MX1: variants seen among roughly 807,000 people sequenced by gnomAD.
The protein encoded by MX1 is MX dynamin like GTPase 1.
Under a neutral mutation model 66.4 loss-of-function variants are expected in MX1, and 66 were observed. That is an observed-to-expected ratio of 0.99 (90% CI 0.82 to 1.22). The LOEUF (loss-of-function observed/expected upper bound fraction) is 1.22, where lower values mean the gene tolerates loss of function less well. Ranked by LOEUF, MX1 falls within the 50% of genes most tolerant of loss-of-function variation. The pLI, the probability that MX1 is intolerant of heterozygous loss-of-function variation, is 0.00. For missense variants in MX1, 787 were observed against 834.3 expected (o/e 0.94, Z 0.70); for synonymous variants, 311 against 318.1 (o/e 0.98, Z 0.24).
Position 41,458,711 on chromosome 21 carries a change from G to A in MX1, c.1942G>A (p.Ala648Thr), listed in dbSNP as rs778466509. The A allele has an allele frequency of 1.2e-6, 2 of 1,614,006 alleles. No homozygotes were observed. The highest frequency in any genetic ancestry group is 1.7e-6 in the Non-Finnish European group (2 of 1,180,044). The stretch of plus-strand genomic sequence containing the variant: ...GCGGAAGTTCCTGAAGGAGCGGCTT[G>A]CACGGCTGACGCAGGCTCGGCGCCG... The part of the protein sequence containing the change: ...DKRKFLKERL[A>T]RLTQARRRLA... Residue 648 changes from alanine to threonine, a missense_variant, in exon 17 of 17, where the codon GCA becomes ACA. Transcript: ENST00000398598.
intron 14 of MX1, chr21:41,450,936 A>G (rs1435545684): frequency 4.0e-6 from 1 of 252,940 alleles, no homozygotes; most frequent in Non-Finnish European, 7.4e-6. Flanking sequence ...TATTTAGGAT[A>G]AAAAGTTTAA....
intron 11 of MX1, among the ~76,000 whole-genome samples, chr21:41,444,139 G>A (rs462698): frequency 0.49 from 74,811 of 151,676 alleles, 19,478 homozygotes; most frequent in Non-Finnish European, 0.59. Context: ...AAAATCTTAT[G>A]CACAAGCTAC....
chr21:41,450,915 T>A, intron 14 of MX1: 1 of 201,712 alleles, frequency 5.0e-6, no homozygotes, highest in Non-Finnish European at 9.8e-6. Flanking sequence ...AGAAATTACA[T>A]TCTTTGCAGC....
intron 3 of MX1, 189 bp downstream of exon 3, chr21:41,428,055 A>T (rs1167968326): frequency 6.6e-6 from 1 of 152,244 alleles, no homozygotes; most frequent in Non-Finnish European, 1.5e-5. Context: ...ACAGGCACAC[A>T]TCACCACACC....
chr21:41,432,070 G>A lies in MX1; in HGVS notation c.-1G>A, dbSNP rs1221286848. The A allele has an allele frequency of 1.2e-6, 2 of 1,613,910 alleles. No individual in the cohort carries two copies. Among genetic ancestry groups the A allele is most frequent in the Non-Finnish European group, 1.7e-6 (2 of 1,180,006 alleles). On this transcript the variant is annotated 5_prime_UTR_variant, in exon 5 of 17. Transcript: ENST00000398598. Reference sequence around the variant, plus strand: ...TTAAGCTTACTTTGCAAAGAAGGAAGATGGTTGTTTCCGAAGTGGACATCG... The same window carrying A: ...TTAAGCTTACTTTGCAAAGAAGGAAAATGGTTGTTTCCGAAGTGGACATCG...
At chr21:41,447,995 T>C (rs468699) in intron 13 of MX1, among the ~76,000 whole-genome samples, 75,209 of 152,140 alleles carry the variant, frequency 0.49, 19,506 homozygotes, top group Non-Finnish European at 0.57. Context: ...TCCCAGAGTG[T>C]TGGGATTACG....
chr21:41,456,616 G>A (rs951927731), intron 16 of MX1, among the ~76,000 whole-genome samples: 11 of 152,250 alleles, frequency 7.2e-5, no homozygotes, highest in Middle Eastern at 3.4e-3. Flanking sequence ...CTGGGGACTC[G>A]AGCCTAGCCA....
In MX1 at chr21:41,453,210, G is replaced by A. The variant is rs539812492; in HGVS notation, c.1758+341G>A. Among the ~76,000 whole-genome samples, 164 of 152,298 alleles carry A rather than the reference G, an allele frequency of 1.1e-3. 3 individuals carry two copies. The highest frequency in any genetic ancestry group is 4.7e-4 in the Non-Finnish European group (32 of 68,028). On this transcript the variant is annotated intron_variant, in intron 16 of 16. Coordinates refer to ENST00000398598, the MANE Select transcript of MX1 (RefSeq NM_002462.5). Reference sequence around the variant, plus strand: ...GGGGTTTCCCCTTATCAAACCATCAGATCTCATGAGAGTTACTCACTACCA... The same window carrying A: ...GGGGTTTCCCCTTATCAAACCATCAAATCTCATGAGAGTTACTCACTACCA...
chr21:41,428,570 C>A (rs1255308612), intron 3 of MX1: 1 of 152,226 alleles, frequency 6.6e-6, no homozygotes, highest in African/African-American at 2.4e-5. Context: ...GCCAAGATTC[C>A]GAAAACGCTT....
At chr21:41,448,899 T>A (rs2090740406) in intron 13 of MX1, among the ~76,000 whole-genome samples, 1 of 149,580 alleles carries the variant, frequency 6.7e-6, no homozygotes, top group Non-Finnish European at 1.5e-5. Context: ...CTTCCTGAGA[T>A]GACTAAGGAA....
intron 4 of MX1, 59 bp downstream of exon 4, chr21:41,430,667 TCA>T (rs2090187443): frequency 6.6e-6 from 1 of 152,246 alleles, no homozygotes; most frequent in Admixed American, 6.5e-5. Flanking sequence ...AGAAAGATTT[TCA>T]GTTACTTTTA....
At chr21:41,452,139 G>A (rs1277783353) in intron 15 of MX1, among the ~76,000 whole-genome samples, 1 of 152,198 alleles carries the variant, frequency 6.6e-6, no homozygotes, top group Non-Finnish European at 1.5e-5. Flanking sequence ...TGTGCACTGT[G>A]CCTCTCCTCA....
intron 7 of MX1, among the ~76,000 whole-genome samples, chr21:41,439,045 G>A (rs187894922): frequency 5.5e-4 from 83 of 152,150 alleles, no homozygotes; most frequent in African/African-American, 2.0e-3. Flanking sequence ...TGACCACATG[G>A]CAGGTACATG....
chr21:41,435,722 T>G, intron 5 of MX1, 115 bp from the exon 6 acceptor site: 4 of 1,155,736 alleles, frequency 3.5e-6, no homozygotes, highest in Non-Finnish European at 5.0e-6. Context: ...CCTTGACACG[T>G]AGGGATTATG....
rs1491147760 is a variant in MX1, at chr21:41,451,851, A to AC, written c.1509+609dup. Reference sequence around the variant, plus strand: ...CCCCGTCTCAAAAAAAAAAAAAAAAACAAACAAAAAAACTTTCCATCCAGA... The same window carrying AC: ...CCCCGTCTCAAAAAAAAAAAAAAAAACCAAACAAAAAAACTTTCCATCCAGA... On this transcript the variant is annotated intron_variant, in intron 15 of 16. Transcript: ENST00000398598. 5.0e-5 allele frequency among the ~76,000 whole-genome samples: 7 copies of AC among 138,740 alleles called. 1 individual carries two copies. The highest frequency in any genetic ancestry group is 1.9e-4 in the African/African-American group (7 of 36,140). 91.0% of individuals were successfully genotyped at this position (138,740 alleles called of 152,430 possible).
At position 41,439,752 on chromosome 21, in the gene MX1, G is replaced by A; in HGVS notation, c.495G>A (p.Glu165=). 6.2e-7 allele frequency: 1 copy of A among 1,614,150 alleles called. No individual in the cohort carries two copies. The highest frequency in any genetic ancestry group is 1.1e-5 in the South Asian group (1 of 91,076). Residue 165 remains glutamate (E), a synonymous_variant, in exon 8 of 17, where the codon GAG becomes GAA. Coordinates refer to ENST00000398598, the MANE Select transcript of MX1 (RefSeq NM_002462.5). ...MGISHELITL[E]ISSRDVPDLT... is the part of the protein sequence containing the mutation. ...TCAGTCATGAGCTAATCACCCTGGAGATCAGCTCCCGAGATGTCCCGGATC... is the reference window on the plus strand; with the variant it reads ...TCAGTCATGAGCTAATCACCCTGGAAATCAGCTCCCGAGATGTCCCGGATC...
upstream of MX1, among the ~76,000 whole-genome samples, chr21:41,422,249 T>A (rs2090001414): frequency 6.6e-6 from 1 of 152,214 alleles, no homozygotes; most frequent in East Asian, 1.9e-4. Flanking sequence ...GTTGTCCTCA[T>A]TTTTACACTC....
At chr21:41,447,632 G>A (rs942249554) in intron 13 of MX1, among the ~76,000 whole-genome samples, 2 of 152,210 alleles carry the variant, frequency 1.3e-5, no homozygotes, top group African/African-American at 2.4e-5. Flanking sequence ...GGGAAAAGTG[G>A]GAAGTTATCA....
At chr21:41,443,094 TAAATGGTC>T in intron 10 of MX1, among the ~76,000 whole-genome samples, 1 of 152,368 alleles carries the variant, frequency 6.6e-6, no homozygotes, top group East Asian at 1.9e-4. Context: ...TAAAGATGGT[TAAATGGTC>T]AATTTTATAT....
Sources: gnomAD v4.1 joint callset for allele counts (sites outside exome capture counted in the v4.1 genomes callset) on GRCh38, gnomAD v4.1.1 for gene constraint, MANE v1.5 for transcripts, NCBI Gene and HGNC (gene_info 2026-07-23, HGNC 2026-07-21) for gene names.